The following KHDRBS2 variants were observed in gnomAD, a reference collection of about 807,000 sequenced individuals.
The protein encoded by KHDRBS2 is KH domain-containing, RNA-binding, signal transduction-associated protein 2.
In KHDRBS2, 26 loss-of-function variants were observed where a neutral mutation model predicts 44.3. The ratio of observed to expected loss-of-function variants is 0.59; its 90% CI spans 0.43 to 0.81. KHDRBS2 has a LOEUF of 0.81. Among genes scored for constraint, KHDRBS2 ranks in the 40% least tolerant of loss-of-function variants. The probability of loss-of-function intolerance (pLI) is 0.00; values close to 1 mark genes in which losing one functional copy is unlikely to be tolerated. For missense variants in KHDRBS2, 476 were observed against 433.1 expected, an observed-to-expected ratio of 1.10 and a Z score of -0.88; for synonymous variants, 194 against 151.1, an observed-to-expected ratio of 1.28 and a Z score of -2.08.
intron 1 of KHDRBS2, among the ~76,000 whole-genome samples, chr6:62,207,650 T>C (rs1051965067): frequency 2.6e-5 from 4 of 152,186 alleles, no homozygotes; most frequent in Non-Finnish European, 5.9e-5. Context: ...CTAAGTGATA[T>C]TACAACAGGA....
chr6:61,633,438 T>C, the KHDRBS2 span, among the ~76,000 whole-genome samples: 41 of 152,216 alleles, frequency 2.7e-4, no homozygotes, highest in African/African-American at 9.9e-4. Context: ...GCCACTTTTA[T>C]AGGTAATTTC....
chr6:61,565,317 G>T, the KHDRBS2 span, among the ~76,000 whole-genome samples: 1 of 151,784 alleles, frequency 6.6e-6, no homozygotes, highest in Non-Finnish European at 1.5e-5. Context: ...TGGACAAATG[G>T]GATTACATCA....
intron 1 of KHDRBS2, among the ~76,000 whole-genome samples, chr6:62,226,992 T>A (rs971022567): frequency 6.6e-6 from 1 of 152,182 alleles, no homozygotes. Flanking sequence ...GCTAGGATTA[T>A]CTTGGCTTTA....
intron 2 of KHDRBS2, among the ~76,000 whole-genome samples, chr6:62,050,379 C>A (rs2127311232): frequency 6.6e-6 from 1 of 150,432 alleles, no homozygotes; most frequent in African/African-American, 2.4e-5. Context: ...CATGTGTATA[C>A]CTATGTAACA....
the KHDRBS2 span, among the ~76,000 whole-genome samples, chr6:61,594,913 A>T: frequency 6.6e-6 from 1 of 152,254 alleles, no homozygotes. Context: ...AATAACAGTC[A>T]TTCATTTAGC....
At position 62,182,386 on chromosome 6, in the gene KHDRBS2, G is replaced by T. The variant is rs1456480293; in HGVS notation, c.92-5074C>A. On this transcript the variant is annotated intron_variant, in intron 1 of 8. Transcript: ENST00000281156. ...AATGAACAAGTCCTAGAGAACCACT[G>T]TACAACATAGTGCCTATAGTTAACA... 2.0e-5 allele frequency among the ~76,000 whole-genome samples: 3 copies of T among 151,962 alleles called. No individual in the cohort carries two copies. In the East Asian group the frequency reaches 5.8e-4, roughly 29 times the overall value.
At chr6:62,017,662 A>G (rs1781453270) in intron 3 of KHDRBS2, among the ~76,000 whole-genome samples, 1 of 152,142 alleles carries the variant, frequency 6.6e-6, no homozygotes, top group African/African-American at 2.4e-5. Context: ...AGAAAAACCC[A>G]TAGAAATTAG....
intron 2 of KHDRBS2, among the ~76,000 whole-genome samples, chr6:62,176,703 T>A (rs142337770): frequency 6.6e-6 from 1 of 151,428 alleles, no homozygotes; most frequent in Admixed American, 6.6e-5. Context: ...AATTATTTTA[T>A]GAATAAACTT....
intron 6 of KHDRBS2, among the ~76,000 whole-genome samples, chr6:61,838,737 C>T (rs1793112285): frequency 6.6e-6 from 1 of 152,000 alleles, no homozygotes; most frequent in African/African-American, 2.4e-5. Flanking sequence ...TTGCTATCAT[C>T]CTTCACATGG....
intron 2 of KHDRBS2, among the ~76,000 whole-genome samples, chr6:62,152,286 T>C (rs1815374901): frequency 6.6e-6 from 1 of 152,114 alleles, no homozygotes; most frequent in Non-Finnish European, 1.5e-5. Flanking sequence ...GCCACTGCAC[T>C]CCAGCCTGGG....
At chr6:62,065,723 T>G (rs1793492051) in intron 2 of KHDRBS2, among the ~76,000 whole-genome samples, 1 of 150,060 alleles carries the variant, frequency 6.7e-6, no homozygotes. Context: ...GCATGGCACA[T>G]GTATACATAT....
chr6:62,021,147 T>G (rs1282337001), intron 3 of KHDRBS2, among the ~76,000 whole-genome samples: 3 of 151,962 alleles, frequency 2.0e-5, no homozygotes, highest in African/African-American at 7.2e-5. Flanking sequence ...AAATACCGCC[T>G]ATTCCCACTT....
At chr6:62,173,306 C>T (rs1285534334) in intron 2 of KHDRBS2, among the ~76,000 whole-genome samples, 1 of 151,842 alleles carries the variant, frequency 6.6e-6, no homozygotes, top group Non-Finnish European at 1.5e-5. Flanking sequence ...ATTAAAAACA[C>T]CTCTATACAC....
the KHDRBS2 span, among the ~76,000 whole-genome samples, chr6:61,580,111 C>A: frequency 6.6e-6 from 1 of 152,078 alleles, no homozygotes; most frequent in Non-Finnish European, 1.5e-5. Flanking sequence ...ATCTTACAGC[C>A]ACAAAAGAGA....
intron 3 of KHDRBS2, among the ~76,000 whole-genome samples, chr6:62,038,086 A>G (rs536114863): frequency 2.5e-3 from 383 of 152,192 alleles, no homozygotes; most frequent in Middle Eastern, 0.014. Context: ...CACTATTCAC[A>G]TGAAATGCCT....
chr6:62,029,796 ACATT>A (rs1460887123), intron 3 of KHDRBS2, among the ~76,000 whole-genome samples: 5 of 152,020 alleles, frequency 3.3e-5, no homozygotes, highest in Non-Finnish European at 5.9e-5. Context: ...CTTATATAAG[ACATT>A]CAATGGATGG....
intron 4 of KHDRBS2, among the ~76,000 whole-genome samples, chr6:61,966,580 C>T (rs1156502072): frequency 6.6e-6 from 1 of 151,930 alleles, no homozygotes; most frequent in Middle Eastern, 3.2e-3. Context: ...ATCTACTTGA[C>T]CACGGAAAAT....
chr6:61,726,172 G>A (rs937818254), intron 7 of KHDRBS2, among the ~76,000 whole-genome samples: 2 of 149,258 alleles, frequency 1.3e-5, no homozygotes, highest in Non-Finnish European at 3.0e-5. Context: ...TTGGTTCATC[G>A]CATAAACAGA....
intron 4 of KHDRBS2, among the ~76,000 whole-genome samples, chr6:61,905,964 T>C (rs1804929960): frequency 6.6e-6 from 1 of 151,058 alleles, no homozygotes; most frequent in Non-Finnish European, 1.5e-5. Context: ...CAAGCGATTA[T>C]CCTGCTTCAG....
Sources: gnomAD v4.1 joint callset for allele counts (sites outside exome capture counted in the v4.1 genomes callset) on GRCh38, gnomAD v4.1.1 for gene constraint, MANE v1.5 for transcripts, NCBI Gene and HGNC (gene_info 2026-07-23, HGNC 2026-07-21) for gene names.